The following F3 variants were observed in gnomAD, a reference collection of about 807,000 sequenced individuals.
The protein encoded by F3 is tissue factor.
F3 carries 18 observed loss-of-function variants against 33.5 expected under a neutral mutation model. The observed-to-expected ratio is 0.54, with a 90% CI of 0.37 to 0.80. The LOEUF (loss-of-function observed/expected upper bound fraction) is 0.80. F3 is among the 30% of genes least tolerant of loss of function. The pLI, the probability that F3 is intolerant of heterozygous loss-of-function variation, is 0.00. For missense variants in F3, 353 were observed against 362.1 expected, an observed-to-expected ratio of 0.97 and a Z score of 0.20; for synonymous variants, 147 against 140.7, an observed-to-expected ratio of 1.05 and a Z score of -0.32.
rs554283085 is a variant in F3, at chr1:94,529,210, G to A, written c.*1250C>T. ...AATGTATTATAAGCGAAAAAGATAC[G>A]TTGTTGTAAGCCACTGACAATTTTA... On this transcript the variant is annotated 3_prime_UTR_variant, in exon 6 of 6. Transcript: ENST00000334047. 3 of 152,612 alleles carry A rather than the reference G, an allele frequency of 2.0e-5. No homozygotes were observed. Among genetic ancestry groups the A allele is most frequent in the Non-Finnish European group, 4.4e-5 (3 of 68,044 alleles). The allele number at this position is 152,612 out of a possible 1,614,324, so 9.5% of individuals were successfully genotyped here. A position where few individuals can be genotyped will look rare whatever the true frequency, so the allele number is the denominator to read the frequency against.
chr1:94,534,136 A>G (rs1222518209), intron 3 of F3, among the ~76,000 whole-genome samples: 1 of 152,108 alleles, frequency 6.6e-6, no homozygotes, highest in African/African-American at 2.4e-5. Context: ...CAAAGTTCTG[A>G]GATTACAGGC....
rs1354194208 is a variant in F3 at position 94,533,123 on chromosome 1, T to C, written c.558A>G (p.Thr186=). 1 of 1,613,482 alleles carries C rather than the reference T, an allele frequency of 6.2e-7. No homozygotes were observed. The highest frequency in any genetic ancestry group is 8.5e-7 in the Non-Finnish European group (1 of 1,179,896). ...RDVFGKDLIY[T]LYYWKSSSSG... is the part of the protein sequence containing the mutation. ...AACTTGAAGATTTCCAATAATAAAG[T>C]GTATAAATTAAGTCCTTGCCAAAAA... Residue 186 remains threonine (T), a synonymous_variant, in exon 4 of 6, where the codon ACA becomes ACG. Transcript: ENST00000334047.
Position 94,530,424 on chromosome 1 carries a change from A to C in F3, c.*36T>G. 1 of 1,613,340 alleles carries C rather than the reference A, an allele frequency of 6.2e-7. No individual in the cohort carries two copies. The highest frequency in any genetic ancestry group is 2.2e-5 in the East Asian group (1 of 44,866). ...TCTTAAAAGTTCTCGGTCACAGTGCAATATAGCATTTGCAGTAGCTCCAAC... is the reference window on the plus strand; with the variant it reads ...TCTTAAAAGTTCTCGGTCACAGTGCCATATAGCATTTGCAGTAGCTCCAAC... On this transcript the variant is annotated 3_prime_UTR_variant, in exon 6 of 6. Transcript: ENST00000334047.
intron 5 of F3, among the ~76,000 whole-genome samples, 197 bp from the exon 6 acceptor site, chr1:94,530,793 C>T (rs1651399956): frequency 1.3e-5 from 2 of 152,154 alleles, no homozygotes; most frequent in Admixed American, 6.6e-5. Context: ...AATGGCTAAA[C>T]ACATTTAATG....
rs188147457 is a variant in F3, at chr1:94,540,320, T to C, written c.149A>G (p.Asn50Ser). Residue 50 changes from asparagine to serine, a missense_variant, in exon 2 of 6, where the codon AAT becomes AGT. Coordinates refer to ENST00000334047, the MANE Select transcript of F3 (RefSeq NM_001993.5). ...AAYNLTWKST[N>S]FKTILEWEPK... Reference sequence around the variant, plus strand: ...TTCCCACTCCAAAATTGTCTTGAAATTAGTTGATTTCCAAGTTAAATTATA... The same window carrying C: ...TTCCCACTCCAAAATTGTCTTGAAACTAGTTGATTTCCAAGTTAAATTATA... 6.2e-6 allele frequency: 10 copies of C among 1,614,092 alleles called. No homozygotes were observed. In the African/African-American group the frequency reaches 6.7e-5, roughly 11 times the overall value.
In F3 at chr1:94,530,521, T is replaced by C; in HGVS notation, c.827A>G (p.Lys276Arg). The change falls in exon 6 of 6, where the codon AAG becomes AGG. Residue 276 changes from lysine (K) to arginine (R), a missense_variant. By Grantham distance (26) the Lys-to-Arg change is conservative. Transcript: ENST00000334047. ...CTGCCCCACTCCTGCCTTTCTACAC[T>C]TGTGTAGAGATATAGCCAGGATGAT... ...LVIILAISLH[K>R]CRKAGVGQSW... The C allele has an allele frequency of 6.2e-7, 1 of 1,613,796 alleles. No individual in the cohort carries two copies. The highest frequency in any genetic ancestry group is 1.1e-5 in the South Asian group (1 of 91,082).
Position 94,540,394 on chromosome 1 carries a change from T to G in F3, c.101-26A>C, listed in dbSNP as rs868551386. On this transcript the variant is annotated intron_variant, in intron 1 of 5. Coordinates refer to ENST00000334047, the MANE Select transcript of F3 (RefSeq NM_001993.5). ...CTTTAAACAACAGAGAAACAGCTAT[T>G]ATTACATGCACTTCAGAGCACTCGA... is the stretch of plus-strand genomic sequence containing the variant. 65 of 1,492,836 alleles carry G rather than the reference T, an allele frequency of 4.4e-5. 2 individuals are homozygous for G. The Middle Eastern group carries it at 8.5e-3, about 196-fold the overall frequency. 92.5% of individuals were successfully genotyped at this position (1,492,836 alleles called of 1,614,324 possible). A position where few individuals can be genotyped will look rare whatever the true frequency, so the allele number is the denominator to read the frequency against.
Position 94,536,166 on chromosome 1 carries a change from TA to T in F3, c.213-3del. Reference sequence around the variant, plus strand: ...CTTTTCCAATCTCCTGACTTAGTGCTAAAGAAAGAAAAGAAGGAAGAAACAT... The same window carrying T: ...CTTTTCCAATCTCCTGACTTAGTGCTAAGAAAGAAAAGAAGGAAGAAACAT... On this transcript the variant is annotated splice_region_variant and splice_polypyrimidine_tract_variant and intron_variant, in intron 2 of 5. Coordinates refer to ENST00000334047, the MANE Select transcript of F3 (RefSeq NM_001993.5). The T allele has an allele frequency of 1.9e-6, 3 of 1,613,496 alleles. No individual in the cohort carries two copies. The highest frequency in any genetic ancestry group is 2.5e-6 in the Non-Finnish European group (3 of 1,179,710).
chr1:94,534,973 C>T (rs1287187255), intron 3 of F3, among the ~76,000 whole-genome samples: 1 of 152,008 alleles, frequency 6.6e-6, no homozygotes, highest in Non-Finnish European at 1.5e-5. Context: ...CCACAAAAGA[C>T]ACAAGCAGAA....
At chr1:94,530,890 C>T (rs564384434) in intron 5 of F3, among the ~76,000 whole-genome samples, 4 of 152,254 alleles carry the variant, frequency 2.6e-5, no homozygotes, top group East Asian at 1.9e-4. Flanking sequence ...TGCCTAAAAA[C>T]GATGCTGAGA....
chr1:94,536,141 C>T lies in F3; in HGVS notation c.236G>A (p.Ser79Asn). 2.5e-6 allele frequency: 4 copies of T among 1,614,046 alleles called. No individual in the cohort carries two copies. Among genetic ancestry groups the T allele is most frequent in the East Asian group, 2.2e-5 (1 of 44,862 alleles). ...TGTGTCTGTTGTGTAAAAGCATTTG[C>T]TTTTCCAATCTCCTGACTTAGTGCT... Reference protein sequence around the residue: ...QISTKSGDWKSKCFYTTDTEC... With the variant: ...QISTKSGDWKNKCFYTTDTEC... Residue 79 changes from serine (S) to asparagine (N), a missense_variant, in exon 3 of 6, where the codon AGC (serine) becomes AAC (asparagine). Transcript: ENST00000334047.
chr1:94,531,508 G>T (rs1343988066), intron 5 of F3, among the ~76,000 whole-genome samples: 1 of 152,026 alleles, frequency 6.6e-6, no homozygotes, highest in East Asian at 1.9e-4. Context: ...TACCATGTTG[G>T]CCAGGCTGGT....
At position 94,530,572 on chromosome 1, in the gene F3, A is replaced by G. The variant is rs1651392088; in HGVS notation, c.776T>C (p.Val259Ala). Residue 259 changes from valine to alanine, a missense_variant, in exon 6 of 6, where the codon GTG becomes GCG. By Grantham distance (64) the Val-to-Ala change is moderately conservative. Transcript: ENST00000334047. ...GACAAGGATGATGACCACAAATACC[A>G]CAGCTCCAATGATGTAGAATATTTC... ...FREIFYIIGA[V>A]VFVVIILVII... 6.2e-7 allele frequency: 1 copy of G among 1,614,138 alleles called. No individual in the cohort carries two copies. Among genetic ancestry groups the G allele is most frequent in the Non-Finnish European group, 8.5e-7 (1 of 1,180,018 alleles).
chr1:94,530,675 C>G, intron 5 of F3, 79 bp from the exon 6 acceptor site: 1 of 1,521,574 alleles, frequency 6.6e-7, no homozygotes, highest in Non-Finnish European at 9.0e-7. Context: ...GGCATAACCC[C>G]AAATTACACC....
At chr1:94,539,406 C>T (rs1557702932) in intron 2 of F3, among the ~76,000 whole-genome samples, 4 of 152,292 alleles carry the variant, frequency 2.6e-5, no homozygotes, top group East Asian at 3.9e-4. Context: ...AAAGGCCTGG[C>T]ACAAGCTAAA....
chr1:94,533,691 G>A (rs764464231), intron 3 of F3, among the ~76,000 whole-genome samples: 6 of 151,788 alleles, frequency 4.0e-5, no homozygotes, highest in South Asian at 4.2e-4. Flanking sequence ...TTCTCCTGCC[G>A]TGGCCCCTGC....
In F3 at chr1:94,529,274, T is replaced by C. The variant is rs145059655; in HGVS notation, c.*1186A>G. ...TAGTAGAGCTAATACAAACACCAAA[T>C]TGTACATAAATAATAAATGGAAGAT... On this transcript the variant is annotated 3_prime_UTR_variant, in exon 6 of 6. Coordinates refer to ENST00000334047, the MANE Select transcript of F3 (RefSeq NM_001993.5). 2 of 152,726 alleles carry C rather than the reference T, an allele frequency of 1.3e-5. No individual in the cohort carries two copies. The highest frequency in any genetic ancestry group is 2.9e-5 in the Non-Finnish European group (2 of 68,028). 9.5% of individuals were successfully genotyped at this position (152,726 alleles called of 1,614,324 possible).
intron 2 of F3, among the ~76,000 whole-genome samples, chr1:94,536,478 G>T (rs532109202): frequency 1.3e-5 from 2 of 152,266 alleles, no homozygotes; most frequent in East Asian, 3.9e-4. Flanking sequence ...CAACCCAGGG[G>T]ATGGCTCTGT....
intron 5 of F3, 42 bp downstream of exon 5, chr1:94,532,279 A>T: frequency 6.2e-7 from 1 of 1,602,142 alleles, no homozygotes; most frequent in Non-Finnish European, 8.5e-7. Flanking sequence ...AGTCACCCAC[A>T]GCACCCATAC....
Sources: allele counts gnomAD v4.1 joint callset (sites outside exome capture counted in the v4.1 genomes callset), GRCh38; gene constraint gnomAD v4.1.1; transcripts MANE v1.5; gene names NCBI Gene and HGNC (gene_info 2026-07-23, HGNC 2026-07-21).